Variants in DDX60 observed in about 807,000 individuals in gnomAD.
DDX60 encodes probable ATP-dependent RNA helicase DDX60.
A neutral mutation model predicts 212.8 loss-of-function variants in DDX60; 165 were observed. The observed-to-expected ratio is 0.78, with a 90% CI of 0.68 to 0.88. The LOEUF (loss-of-function observed/expected upper bound fraction) is 0.88, where lower values mean the gene tolerates loss of function less well. Among genes scored for constraint, DDX60 ranks in the 40% least tolerant of loss-of-function variants. DDX60 has a pLI of 0.00. For missense variants in DDX60, 1,905 were observed against 2,003.9 expected (o/e 0.95, Z 0.94); for synonymous variants, 703 against 685.3 (o/e 1.03, Z -0.40).
intron 6 of DDX60, among the ~76,000 whole-genome samples, chr4:168,298,889 A>T (rs1230206830): frequency 6.6e-6 from 1 of 152,050 alleles, no homozygotes; most frequent in East Asian, 1.9e-4. Flanking sequence ...GTAGCCGGGC[A>T]CGGTGGCTCA....
At position 168,317,086 on chromosome 4, in the gene DDX60, G is replaced by A. The variant is rs1425455494; in HGVS notation, c.-107+1536C>T. Among the ~76,000 whole-genome samples, 217 of 143,462 alleles carry A rather than the reference G, an allele frequency of 1.5e-3. 1 individual carries two copies. The highest frequency in any genetic ancestry group is 4.8e-3 in the African/African-American group (186 of 38,866). The allele number at this position is 143,462 out of a possible 152,430, so 94.1% of individuals were successfully genotyped here. On this transcript the variant is annotated intron_variant, in intron 1 of 37. Transcript: ENST00000393743. ...AAAAAAAAAAAAAAAAGAAGAAGAA[G>A]AAAAAAAAGAAAACCTGAATCTGAT...
intron 14 of DDX60, among the ~76,000 whole-genome samples, chr4:168,279,830 T>G (rs1735511772): frequency 6.6e-6 from 1 of 152,176 alleles, no homozygotes; most frequent in Admixed American, 6.5e-5. Context: ...TTTGCTGAAG[T>G]GTTTCAAATT....
chr4:168,314,676 A>C (rs1228269581), intron 1 of DDX60, among the ~76,000 whole-genome samples: 1 of 152,190 alleles, frequency 6.6e-6, no homozygotes, highest in Non-Finnish European at 1.5e-5. Context: ...AAAGACAAAG[A>C]GATGAAAAAA....
At chr4:168,292,055 T>TTTTTTC in intron 7 of DDX60, 149 bp from the exon 8 acceptor site, 1 of 576,520 alleles carries the variant, frequency 1.7e-6, no homozygotes, top group Non-Finnish European at 2.7e-6. Flanking sequence ...CTTTCTTTTT[T>TTTTTTC]TTTTTTTTTT....
At chr4:168,269,031 T>G in intron 19 of DDX60, 62 bp from the exon 20 acceptor site, 2 of 937,222 alleles carry the variant, frequency 2.1e-6, no homozygotes, top group African/African-American at 3.3e-5. Context: ...CAAATGAAAG[T>G]TAAGACATGG....
intron 33 of DDX60, among the ~76,000 whole-genome samples, chr4:168,233,859 TA>T (rs1023349853): frequency 6.6e-6 from 1 of 150,452 alleles, no homozygotes; most frequent in East Asian, 1.9e-4. Context: ...CCTACTGAAA[TA>T]AAAAAAAATA....
chr4:168,315,886 T>G (rs1297108786), intron 1 of DDX60, among the ~76,000 whole-genome samples: 1 of 152,246 alleles, frequency 6.6e-6, no homozygotes, highest in Non-Finnish European at 1.5e-5. Flanking sequence ...GCAATCAACA[T>G]ACATGTGCAT....
Position 168,306,548 on chromosome 4 carries a change from G to A in DDX60, c.437C>T (p.Ala146Val), listed in dbSNP as rs929051487. The change falls in exon 5 of 38, where the codon GCA (alanine) becomes GTA (valine). Residue 146 changes from alanine to valine, a missense_variant. Physicochemically the swap from Ala to Val is moderately conservative, Grantham distance 64. Transcript: ENST00000393743. ...TTGTAGATCGTTCAGGCCTTCGTCT[G>A]CAACTATCAGGAAATATGGGTAACT... is the stretch of plus-strand genomic sequence containing the variant. ...EESYPYFLIV[A>V]DEGLNDLQTQ... The A allele has an allele frequency of 6.2e-7, 1 of 1,614,032 alleles. No individual in the cohort carries two copies. Among genetic ancestry groups the A allele is most frequent in the African/African-American group, 1.3e-5 (1 of 74,924 alleles).
intron 2 of DDX60, 54 bp downstream of exon 2, chr4:168,311,202 G>T: frequency 6.3e-7 from 1 of 1,582,064 alleles, no homozygotes; most frequent in South Asian, 1.1e-5. Context: ...AATCTATGTA[G>T]TTTACAGGGT....
At chr4:168,248,604 T>C (rs1734103295) in intron 28 of DDX60, among the ~76,000 whole-genome samples, 1 of 152,178 alleles carries the variant, frequency 6.6e-6, no homozygotes, top group Non-Finnish European at 1.5e-5. Context: ...ACCATCATTA[T>C]CTATCTCTGT....
chr4:168,226,547 A>C (rs1733262002), intron 33 of DDX60, among the ~76,000 whole-genome samples: 1 of 152,108 alleles, frequency 6.6e-6, no homozygotes, highest in Non-Finnish European at 1.5e-5. Flanking sequence ...GTGGGTCCAT[A>C]GCAGGTGTGT....
rs891165156 is a variant in DDX60, at chr4:168,288,073, T to C, written c.1183+101A>G. 1.7e-5 allele frequency: 12 copies of C among 708,258 alleles called. No homozygotes were observed. The African/African-American group carries it at 1.9e-4, about 11-fold the overall frequency. The allele number at this position is 708,258 out of a possible 1,614,324, so 43.9% of individuals were successfully genotyped here. ...TGAACAAAGATGAAAATAATTGCTA[T>C]GTTATATGTTGGAAGTACAGAAAAA... On this transcript the variant is annotated intron_variant, in intron 9 of 37. Transcript: ENST00000393743.
chr4:168,303,780 G>A (rs1183946116), intron 5 of DDX60, among the ~76,000 whole-genome samples: 4 of 152,140 alleles, frequency 2.6e-5, no homozygotes, highest in Non-Finnish European at 4.4e-5. Flanking sequence ...TCAGGAGTTC[G>A]AGACCAGACT....
intron 29 of DDX60, among the ~76,000 whole-genome samples, chr4:168,247,316 C>T (rs1734056265): frequency 6.6e-6 from 1 of 152,038 alleles, no homozygotes; most frequent in Non-Finnish European, 1.5e-5. Flanking sequence ...AGCTCAAGAG[C>T]CCAAAGGAGA....
At chr4:168,272,462 T>G (rs941031760) in intron 18 of DDX60, among the ~76,000 whole-genome samples, 3 of 152,070 alleles carry the variant, frequency 2.0e-5, no homozygotes, top group African/African-American at 7.2e-5. Context: ...TGACATAGAG[T>G]TTAGATTGAA....
chr4:168,299,268 G>C (rs1026510576), intron 6 of DDX60, among the ~76,000 whole-genome samples: 1 of 146,092 alleles, frequency 6.8e-6, no homozygotes, highest in African/African-American at 2.5e-5. Context: ...TAAAATTACA[G>C]AATTTATTTT....
chr4:168,298,927 C>T (rs1473599068), intron 6 of DDX60, among the ~76,000 whole-genome samples: 3 of 151,774 alleles, frequency 2.0e-5, no homozygotes, highest in African/African-American at 7.3e-5. Context: ...CGTTGGGAGG[C>T]CAAGGAGGGC....
chr4:168,218,215 A>C (rs1454298306), intron 37 of DDX60, among the ~76,000 whole-genome samples: 3 of 152,178 alleles, frequency 2.0e-5, no homozygotes, highest in Non-Finnish European at 2.9e-5. Flanking sequence ...TCTGAGTTAC[A>C]GACTTATCAT....
chr4:168,254,402 G>A (rs576212564), intron 26 of DDX60, among the ~76,000 whole-genome samples: 4 of 152,176 alleles, frequency 2.6e-5, no homozygotes, highest in Non-Finnish European at 5.9e-5. Flanking sequence ...AAAATAGGTA[G>A]AGGAAATATA....
Sources: allele counts gnomAD v4.1 joint callset (sites outside exome capture counted in the v4.1 genomes callset), GRCh38; gene constraint gnomAD v4.1.1; transcripts MANE v1.5; gene names NCBI Gene and HGNC (gene_info 2026-07-23, HGNC 2026-07-21).